Variants in ZNF551 observed in about 807,000 individuals in gnomAD.
ZNF551 encodes the protein KOX 23 protein (56 AA).
ZNF551 carries 5 observed loss-of-function variants against 7.9 expected under a neutral mutation model. The ratio of observed to expected loss-of-function variants is 0.63; its 90% CI spans 0.33 to 1.33. The LOEUF (loss-of-function observed/expected upper bound fraction) is 1.33, where lower values mean the gene tolerates loss of function less well. Ranked by LOEUF, ZNF551 falls within the 40% of genes most tolerant of loss-of-function variation. The pLI is 0.05. For synonymous variants in ZNF551, 287 were observed against 277.3 expected (o/e 1.03, Z -0.35); for missense variants, 788 against 825.2 (o/e 0.95, Z 0.55).
rs1984603398 is a variant in ZNF551 at position 57,687,395 on chromosome 19, C to A, written c.1120C>A (p.Gln374Lys). The A allele has an allele frequency of 6.2e-7, 1 of 1,613,908 alleles. No individual in the cohort carries two copies. Among genetic ancestry groups the A allele is most frequent in the Non-Finnish European group, 8.5e-7 (1 of 1,179,974 alleles). Residue 374 changes from glutamine (Q) to lysine (K), a missense_variant, in exon 3 of 3, where the codon CAA becomes AAA. By Grantham distance (53) the Gln-to-Lys change is moderately conservative. Coordinates refer to ENST00000282296, the MANE Select transcript of ZNF551 (RefSeq NM_138347.5). ...ECGECGKSFR[Q>K]SSSLFRHQRV... is the part of the protein sequence containing the mutation. ...TGGCGAGTGCGGGAAATCCTTTAGA[C>A]AAAGCTCTAGCCTTTTTCGACACCA...
chr19:57,686,401 T>G (rs1293449314), intron 2 of ZNF551, 80 bp from the exon 3 acceptor site: 1 of 1,548,024 alleles, frequency 6.5e-7, no homozygotes, highest in Non-Finnish European at 8.7e-7. Flanking sequence ...TCAGTTCTTG[T>G]GTCTCACACA....
Position 57,687,752 on chromosome 19 carries a change from C to A in ZNF551, c.1477C>A (p.His493Asn). The change falls in exon 3 of 3, where the codon CAC (histidine) becomes AAC (asparagine). Residue 493 changes from histidine to asparagine, a missense_variant. By Grantham distance (68) the His-to-Asn change is moderately conservative. Coordinates refer to ENST00000282296, the MANE Select transcript of ZNF551 (RefSeq NM_138347.5). Reference sequence around the variant, plus strand: ...TAGCCGCAAATTTATCCTGATTCAACACCAAAGAGTTCACACTGGAGAAAG... The same window carrying A: ...TAGCCGCAAATTTATCCTGATTCAAAACCAAAGAGTTCACACTGGAGAAAG... ...SFSRKFILIQHQRVHTGERPY... is the reference protein window; with the variant it reads ...SFSRKFILIQNQRVHTGERPY... 1 of 1,614,178 alleles carries A rather than the reference C, an allele frequency of 6.2e-7. No homozygotes were observed. Among genetic ancestry groups the A allele is most frequent in the Non-Finnish European group, 8.5e-7 (1 of 1,180,040 alleles).
chr19:57,681,994 C>T lies in ZNF551; in HGVS notation c.-170C>T. ...GACGGGCCGGAACTTCCGGCGTCCTCCTCGTGGCGGTCATTTTGGCCTCTG... is the reference window on the plus strand; with the variant it reads ...GACGGGCCGGAACTTCCGGCGTCCTTCTCGTGGCGGTCATTTTGGCCTCTG... On this transcript the variant is annotated 5_prime_UTR_variant, in exon 1 of 3. Coordinates refer to ENST00000282296, the MANE Select transcript of ZNF551 (RefSeq NM_138347.5). 1 of 666,358 alleles carries T rather than the reference C, an allele frequency of 1.5e-6. No homozygotes were observed. The highest frequency in any genetic ancestry group is 2.5e-6 in the Non-Finnish European group (1 of 404,626). 41.3% of individuals were successfully genotyped at this position (666,358 alleles called of 1,614,324 possible).
Position 57,685,401 on chromosome 19 carries a change from C to T in ZNF551, c.205+16C>T. ...ACATCCCTGGGTAAGGCCCTAGCAT[C>T]CCTCCGAGTGTCTGCTTTTCTTTTT... is the stretch of plus-strand genomic sequence containing the variant. On this transcript the variant is annotated intron_variant, in intron 2 of 2. Coordinates refer to ENST00000282296, the MANE Select transcript of ZNF551 (RefSeq NM_138347.5). 5.6e-6 allele frequency: 9 copies of T among 1,614,004 alleles called. No individual in the cohort carries two copies. Among genetic ancestry groups the T allele is most frequent in the Non-Finnish European group, 7.6e-6 (9 of 1,179,938 alleles).
Position 57,690,058 on chromosome 19 carries a change from G to A in ZNF551, c.*1770G>A, listed in dbSNP as rs1002740250. 3 of 151,570 alleles carry A rather than the reference G, an allele frequency of 2.0e-5. No homozygotes were observed. Among genetic ancestry groups the A allele is most frequent in the Admixed American group, 6.6e-5 (1 of 15,220 alleles). The allele number at this position is 151,570 out of a possible 1,614,324, so 9.4% of individuals were successfully genotyped here. A position where few individuals can be genotyped will look rare whatever the true frequency, so the allele number is the denominator to read the frequency against. On this transcript the variant is annotated 3_prime_UTR_variant, in exon 3 of 3. Transcript: ENST00000282296. The stretch of plus-strand genomic sequence containing the variant: ...CAGGGCATGAGGAGAGAGAGAGATG[G>A]TGAAGTCCATATCAGGTTGCCACCC...
Position 57,688,387 on chromosome 19 carries a change from G to A in ZNF551, c.*99G>A. The A allele has an allele frequency of 6.8e-7, 1 of 1,474,298 alleles. No individual in the cohort carries two copies. The highest frequency in any genetic ancestry group is 2.3e-5 in the East Asian group (1 of 43,866). 91.3% of individuals were successfully genotyped at this position (1,474,298 alleles called of 1,614,324 possible). On this transcript the variant is annotated 3_prime_UTR_variant, in exon 3 of 3. Coordinates refer to ENST00000282296, the MANE Select transcript of ZNF551 (RefSeq NM_138347.5). The stretch of plus-strand genomic sequence containing the variant: ...ATTTAAACTTTGAGCACCCACAGTG[G>A]GGTATTCTTCATAAGTTTCAGGTAT...
At position 57,688,397 on chromosome 19, in the gene ZNF551, C is replaced by T. The variant is rs781773684; in HGVS notation, c.*109C>T. Reference sequence around the variant, plus strand: ...TGAGCACCCACAGTGGGGTATTCTTCATAAGTTTCAGGTATGTGGGAAGCT... The same window carrying T: ...TGAGCACCCACAGTGGGGTATTCTTTATAAGTTTCAGGTATGTGGGAAGCT... On this transcript the variant is annotated 3_prime_UTR_variant, in exon 3 of 3. Transcript: ENST00000282296. The T allele has an allele frequency of 9.1e-6, 13 of 1,433,452 alleles. No homozygotes were observed. Among genetic ancestry groups the T allele is most frequent in the African/African-American group, 1.4e-5 (1 of 70,202 alleles). 88.8% of individuals were successfully genotyped at this position (1,433,452 alleles called of 1,614,324 possible).
In ZNF551 at chr19:57,687,784, T is replaced by C. The variant is rs764869412; in HGVS notation, c.1509T>C (p.Tyr503=). 4.3e-6 allele frequency: 7 copies of C among 1,614,226 alleles called. No individual in the cohort carries two copies. The highest frequency in any genetic ancestry group is 4.2e-6 in the Non-Finnish European group (5 of 1,180,050). The change falls in exon 3 of 3, where the codon TAT becomes TAC. Residue 503 remains tyrosine (Y), a synonymous_variant. Coordinates refer to ENST00000282296, the MANE Select transcript of ZNF551 (RefSeq NM_138347.5). ...GAGTTCACACTGGAGAAAGACCTTA[T>C]GAATGCAGTGAATGTGGAAAATCCT... The part of the protein sequence containing the change: ...HQRVHTGERP[Y]ECSECGKSFT...
chr19:57,682,092 G>T lies in ZNF551; in HGVS notation c.-72G>T. 2.7e-6 allele frequency: 4 copies of T among 1,482,386 alleles called. No homozygotes were observed. Among genetic ancestry groups the T allele is most frequent in the African/African-American group, 1.4e-5 (1 of 71,844 alleles). 91.8% of individuals were successfully genotyped at this position (1,482,386 alleles called of 1,614,324 possible). A position where few individuals can be genotyped will look rare whatever the true frequency, so the allele number is the denominator to read the frequency against. On this transcript the variant is annotated 5_prime_UTR_variant, in exon 1 of 3. Transcript: ENST00000282296. ...GGGACGGGACAGAGAAGTCGCGAAA[G>T]TGGGCCAGAGGTTCTGCGACACCAC...
rs1984598406 is a variant in ZNF551 at position 57,687,319 on chromosome 19, T to C, written c.1044T>C (p.Ser348=). 1 of 1,614,062 alleles carries C rather than the reference T, an allele frequency of 6.2e-7. No individual in the cohort carries two copies. ...GTAGGAAAACCTTTAGCTACAAATCTAACCTCATTGAACACCAGAGAGTTC... is the reference window on the plus strand; with the variant it reads ...GTAGGAAAACCTTTAGCTACAAATCCAACCTCATTGAACACCAGAGAGTTC... ...GECRKTFSYK[S]NLIEHQRVHT... Residue 348 remains serine (S), a synonymous_variant, in exon 3 of 3, where the codon TCT becomes TCC. Coordinates refer to ENST00000282296, the MANE Select transcript of ZNF551 (RefSeq NM_138347.5).
intron 2 of ZNF551, 125 bp downstream of exon 2, chr19:57,685,510 CTG>C: frequency 4.8e-6 from 7 of 1,460,284 alleles, no homozygotes; most frequent in Admixed American, 3.4e-5. Flanking sequence ...GTCAGGATGA[CTG>C]TGTACAGATT....
Position 57,686,803 on chromosome 19 carries a change from T to C in ZNF551, c.528T>C (p.His176=). 6.2e-7 allele frequency: 1 copy of C among 1,614,242 alleles called. No individual in the cohort carries two copies. Among genetic ancestry groups the C allele is most frequent in the Non-Finnish European group, 8.5e-7 (1 of 1,180,036 alleles). The change falls in exon 3 of 3, where the codon CAT becomes CAC. Residue 176 remains histidine, a synonymous_variant. Coordinates refer to ENST00000282296, the MANE Select transcript of ZNF551 (RefSeq NM_138347.5). ...CATTTGTGACCGGCTGCAGATTCCA[T>C]GTGTTGAATTATTTCACCTGTGGGG... is the stretch of plus-strand genomic sequence containing the variant. ...EATFVTGCRF[H]VLNYFTCGEA...
chr19:57,682,284 G>A (rs1984410101), intron 1 of ZNF551, 40 bp downstream of exon 1: 2 of 1,543,694 alleles, frequency 1.3e-6, no homozygotes, highest in Non-Finnish European at 8.8e-7. Context: ...ACCTCCCCCA[G>A]CAGAAGCCTT....
chr19:57,682,355 A>G (rs1422651636), intron 1 of ZNF551, 111 bp downstream of exon 1: 1 of 1,196,318 alleles, frequency 8.4e-7, no homozygotes, highest in Non-Finnish European at 1.1e-6. Flanking sequence ...ACCCTGGACA[A>G]GAAGGCGCTT....
Position 57,686,493 on chromosome 19 carries a change from G to A in ZNF551, c.218G>A (p.Gly73Glu), listed in dbSNP as rs1984556313. The change falls in exon 3 of 3, where the codon GGA (glycine) becomes GAA (glutamate). Residue 73 changes from glycine (G) to glutamate (E), a missense_variant. Coordinates refer to ENST00000282296, the MANE Select transcript of ZNF551 (RefSeq NM_138347.5). Reference protein sequence around the residue: ...AHVTSLGYCHGMENEAIASEQ... With the variant: ...AHVTSLGYCHEMENEAIASEQ... ...TCTCTGCTTTCAGGTTATTGCCATG[G>A]AATGGAGAATGAGGCGATAGCTTCT... 2.5e-6 allele frequency: 4 copies of A among 1,602,940 alleles called. No homozygotes were observed. In the African/African-American group the frequency reaches 5.4e-5, roughly 21 times the overall value.
rs1249352603 is a variant in ZNF551, at chr19:57,688,091, C to G, written c.1816C>G (p.Gln606Glu). 3 of 1,614,076 alleles carry G rather than the reference C, an allele frequency of 1.9e-6. No individual in the cohort carries two copies. The East Asian group carries it at 6.7e-5, about 36-fold the overall frequency. ...CCAGAGCTCTAGCCTCATTCAACAC[C>G]AGAGAGGTCACACTGGAGAAAGACC... The part of the protein sequence containing the change: ...FSQSSSLIQH[Q>E]RGHTGERPYE... The change falls in exon 3 of 3, where the codon CAG (glutamine) becomes GAG (glutamate). Residue 606 changes from glutamine to glutamate, a missense_variant. Coordinates refer to ENST00000282296, the MANE Select transcript of ZNF551 (RefSeq NM_138347.5).
chr19:57,687,870 A>G lies in ZNF551; in HGVS notation c.1595A>G (p.Glu532Gly). Residue 532 changes from glutamate to glycine, a missense_variant, in exon 3 of 3, where the codon GAG (glutamate) becomes GGG (glycine). Glu to Gly is a moderately conservative substitution (Grantham distance 98). Coordinates refer to ENST00000282296, the MANE Select transcript of ZNF551 (RefSeq NM_138347.5). ...ATTCATACTGGCACAAGACCTTATG[A>G]GTGCAGTGAATGTGGCAAATCTTTT... Reference protein sequence around the residue: ...RRIHTGTRPYECSECGKSFRQ... With the variant: ...RRIHTGTRPYGCSECGKSFRQ... The G allele has an allele frequency of 6.2e-7, 1 of 1,614,222 alleles. No individual in the cohort carries two copies. Among genetic ancestry groups the G allele is most frequent in the Middle Eastern group, 1.6e-4 (1 of 6,062 alleles).
intron 1 of ZNF551, 147 bp downstream of exon 1, chr19:57,682,391 C>T (rs1261157674): frequency 1.7e-5 from 14 of 821,940 alleles, no homozygotes; most frequent in Non-Finnish European, 2.4e-5. Flanking sequence ...TTGTGACGCC[C>T]AGTGTGTACG....
Position 57,689,774 on chromosome 19 carries a change from A to G in ZNF551, c.*1486A>G. 6.5e-6 allele frequency: 1 copy of G among 152,754 alleles called. No homozygotes were observed. Among genetic ancestry groups the G allele is most frequent in the East Asian group, 1.9e-4 (1 of 5,216 alleles). 9.5% of individuals were successfully genotyped at this position (152,754 alleles called of 1,614,324 possible). On this transcript the variant is annotated 3_prime_UTR_variant, in exon 3 of 3. Coordinates refer to ENST00000282296, the MANE Select transcript of ZNF551 (RefSeq NM_138347.5). ...AGATTGCACCACTGCACTCCAGCCC[A>G]GGCAACAGAGTGAGACTCCGTCTCC...
Sources: allele counts gnomAD v4.1 joint callset, GRCh38; gene constraint gnomAD v4.1.1; transcripts MANE v1.5; gene names NCBI Gene and HGNC (gene_info 2026-07-23, HGNC 2026-07-21).